Variants in PRIM2 observed in about 807,000 individuals in gnomAD.
PRIM2 encodes DNA primase large subunit.
Under a neutral mutation model 67.3 loss-of-function variants are expected in PRIM2, and 39 were observed. The ratio of observed to expected loss-of-function variants is 0.58; its 90% CI spans 0.45 to 0.76. The LOEUF (loss-of-function observed/expected upper bound fraction) is 0.76, where lower values mean the gene tolerates loss of function less well. Ranked by LOEUF, PRIM2 falls within the 30% of genes least tolerant of loss-of-function variation. PRIM2 has a pLI of 0.00. For synonymous variants in PRIM2, 143 were observed against 198.7 expected (o/e 0.72, Z 2.36); for missense variants, 398 against 598.7 (o/e 0.66, Z 3.50).
At chr6:57,307,469 A>G in the PRIM2 span, among the ~76,000 whole-genome samples, 2 of 151,936 alleles carry the variant, frequency 1.3e-5, no homozygotes, top group South Asian at 4.2e-4. Flanking sequence ...TCTCGATCTG[A>G]CCTCATGATC....
chr6:57,501,636 T>C (rs1554346892), intron 7 of PRIM2, among the ~76,000 whole-genome samples: 1,847 of 152,320 alleles, frequency 0.012, 18 homozygotes, highest in Non-Finnish European at 0.018. Context: ...GTCCTTTTTA[T>C]GTGGGGTGTT....
At chr6:57,489,324 GC>G (rs1773824678) in intron 7 of PRIM2, among the ~76,000 whole-genome samples, 1 of 148,576 alleles carries the variant, frequency 6.7e-6, no homozygotes, top group Non-Finnish European at 1.5e-5. Flanking sequence ...TGGGAGGCCA[GC>G]GCAGGCAGAT....
chr6:57,368,747 T>C (rs559944860), intron 5 of PRIM2, among the ~76,000 whole-genome samples: 4 of 152,342 alleles, frequency 2.6e-5, no homozygotes, highest in South Asian at 4.1e-4. Context: ...AAAAACTTCA[T>C]TGATGACAAT....
chr6:57,487,340 C>T (rs1483191898), intron 7 of PRIM2, among the ~76,000 whole-genome samples: 93 of 152,228 alleles, frequency 6.1e-4, no homozygotes, highest in Middle Eastern at 3.4e-3. Context: ...AGCTATTCTC[C>T]TGCTCAGGCT....
At chr6:57,258,398 CAT>C in the PRIM2 span, among the ~76,000 whole-genome samples, 4 of 152,014 alleles carry the variant, frequency 2.6e-5, no homozygotes, top group Admixed American at 2.6e-4. Context: ...AAAAAAAAGG[CAT>C]AGTGTCTCTT....
At chr6:57,271,969 T>C in the PRIM2 span, among the ~76,000 whole-genome samples, 6 of 152,216 alleles carry the variant, frequency 3.9e-5, no homozygotes, top group African/African-American at 9.7e-5. Context: ...GAGTTCTAGT[T>C]TGATTGCACT....
chr6:57,292,532 T>G, the PRIM2 span, among the ~76,000 whole-genome samples: 1 of 152,198 alleles, frequency 6.6e-6, no homozygotes, highest in Non-Finnish European at 1.5e-5. Flanking sequence ...AGAGCCCACA[T>G]AGCCAAGACA....
In PRIM2 at chr6:57,320,431, A is replaced by G. The variant is rs1405626505; in HGVS notation, c.155-26A>G. 4 of 1,473,116 alleles carry G rather than the reference A, an allele frequency of 2.7e-6. No individual in the cohort carries two copies. In the South Asian group the frequency reaches 5.0e-5, roughly 18 times the overall value. The allele number at this position is 1,473,116 out of a possible 1,614,324, so 91.3% of individuals were successfully genotyped here. ...ATTTAGTTTTAAAACATTATCTTGC[A>G]TTTATACCTTTTTTCTTTTTTTTAG... On this transcript the variant is annotated intron_variant, in intron 2 of 13. Transcript: ENST00000615550.
chr6:57,568,570 A>C (rs1302792956), intron 10 of PRIM2, among the ~76,000 whole-genome samples: 3 of 152,248 alleles, frequency 2.0e-5, no homozygotes, highest in South Asian at 2.1e-4. Flanking sequence ...GAACATTATG[A>C]TAGAATAGAA....
the PRIM2 span, among the ~76,000 whole-genome samples, chr6:57,232,526 G>A: frequency 6.6e-6 from 1 of 152,182 alleles, no homozygotes; most frequent in East Asian, 1.9e-4. Context: ...TCCAGCCTGG[G>A]TGACAGAGTA....
chr6:57,299,183 G>A, the PRIM2 span, among the ~76,000 whole-genome samples: 1 of 151,854 alleles, frequency 6.6e-6, no homozygotes, highest in African/African-American at 2.4e-5. Context: ...AAATGCTAAG[G>A]TTTATTTGGG....
the PRIM2 span, among the ~76,000 whole-genome samples, chr6:57,309,218 C>A: frequency 1.3e-5 from 2 of 150,844 alleles, no homozygotes; most frequent in African/African-American, 4.9e-5. Context: ...TATACATGTG[C>A]CATGCTGGTG....
At chr6:57,570,763 A>G (rs1203322966) in intron 10 of PRIM2, among the ~76,000 whole-genome samples, 1 of 152,152 alleles carries the variant, frequency 6.6e-6, no homozygotes, top group African/African-American at 2.4e-5. Flanking sequence ...CTATGCATTC[A>G]AGATTATTGA....
chr6:57,422,967 A>C (rs1409088660), intron 7 of PRIM2, among the ~76,000 whole-genome samples: 1 of 152,234 alleles, frequency 6.6e-6, no homozygotes, highest in African/African-American at 2.4e-5. Flanking sequence ...TCTCAGAATG[A>C]TGAATAAGGA....
chr6:57,373,795 A>G (rs1242291120), intron 5 of PRIM2, among the ~76,000 whole-genome samples: 1 of 151,934 alleles, frequency 6.6e-6, no homozygotes, highest in Non-Finnish European at 1.5e-5. Context: ...AATCTGTTCC[A>G]TTGGTCTATG....
At chr6:57,480,432 T>G (rs2127405426) in intron 7 of PRIM2, among the ~76,000 whole-genome samples, 1 of 152,256 alleles carries the variant, frequency 6.6e-6, no homozygotes, top group Admixed American at 6.5e-5. Flanking sequence ...AAATTAATGT[T>G]AGTACACAGA....
chr6:57,228,774 C>T, the PRIM2 span, among the ~76,000 whole-genome samples: 1 of 152,212 alleles, frequency 6.6e-6, no homozygotes, highest in Admixed American at 6.5e-5. Flanking sequence ...TTAAATCTCT[C>T]AGCGCCTCAG....
chr6:57,511,200 A>G (rs1774359293), intron 8 of PRIM2, among the ~76,000 whole-genome samples: 1 of 151,924 alleles, frequency 6.6e-6, no homozygotes, highest in African/African-American at 2.4e-5. Flanking sequence ...ATATCGCTTA[A>G]CAATATATAT....
intron 12 of PRIM2, among the ~76,000 whole-genome samples, chr6:57,610,617 C>T (rs1776650650): frequency 6.6e-6 from 1 of 151,760 alleles, no homozygotes; most frequent in Non-Finnish European, 1.5e-5. Context: ...TTCTCCTCTC[C>T]TCCCCGAAAA....
Sources: gnomAD v4.1 joint callset for allele counts (sites outside exome capture counted in the v4.1 genomes callset) on GRCh38, gnomAD v4.1.1 for gene constraint, MANE v1.5 for transcripts, NCBI Gene and HGNC (gene_info 2026-07-23, HGNC 2026-07-21) for gene names.